The following CUBN variants were observed in gnomAD, a reference collection of about 807,000 sequenced individuals.
The protein encoded by CUBN is cubilin, also known as 460 kDa receptor.
A neutral mutation model predicts 405.3 loss-of-function variants in CUBN; 282 were observed. That is an observed-to-expected ratio of 0.70 (90% confidence interval 0.63 to 0.77). The LOEUF is 0.77. Ranked by LOEUF, CUBN falls within the 30% of genes least tolerant of loss-of-function variation. The pLI, the probability that CUBN is intolerant of heterozygous loss-of-function variation, is 0.00. For missense variants in CUBN, 4,514 were observed against 4,475.2 expected (o/e 1.01, Z -0.25); for synonymous variants, 1,684 against 1,617.0 (o/e 1.04, Z -0.99).
intron 56 of CUBN, among the ~76,000 whole-genome samples, chr10:16,877,924 G>A (rs960813388): frequency 6.6e-6 from 1 of 152,166 alleles, no homozygotes; most frequent in South Asian, 2.1e-4. Context: ...CACCCATATG[G>A]TAACCTAATT....
In CUBN at chr10:17,088,365, T is replaced by C. The variant is rs1342811071; in HGVS notation, c.1766-20A>G. 7 of 1,584,018 alleles carry C rather than the reference T, an allele frequency of 4.4e-6. No individual in the cohort carries two copies. The highest frequency in any genetic ancestry group is 1.3e-5 in the African/African-American group (1 of 74,154). On this transcript the variant is annotated intron_variant, in intron 14 of 66. Transcript: ENST00000377833. ...CACACTCTAAAATAAGAGGGAAAAA[T>C]AATGTTACATTTGTATAGATGCTAT...
intron 27 of CUBN, among the ~76,000 whole-genome samples, chr10:17,034,468 A>T (rs1051368495): frequency 3.4e-4 from 52 of 152,186 alleles, no homozygotes; most frequent in African/African-American, 1.2e-3. Context: ...TTCCCTCCCC[A>T]GGAGAGAGCA....
chr10:16,916,122 G>C, intron 45 of CUBN, 92 bp from the exon 46 acceptor site: 1 of 1,303,674 alleles, frequency 7.7e-7, no homozygotes, highest in South Asian at 1.3e-5. Flanking sequence ...CATTTCACCA[G>C]CACATTTGAA....
At chr10:16,863,310 G>A (rs745808719) in intron 59 of CUBN, among the ~76,000 whole-genome samples, 4 of 152,154 alleles carry the variant, frequency 2.6e-5, no homozygotes, top group Admixed American at 6.5e-5. Context: ...CTTTAAATGG[G>A]TTTACAGTTT....
chr10:17,067,976 A>G (rs1201831907), intron 21 of CUBN, 88 bp downstream of exon 21: 4 of 651,920 alleles, frequency 6.1e-6, no homozygotes, highest in Admixed American at 3.1e-5. Flanking sequence ...GGTTTTCATA[A>G]CACAACGTGG....
intron 8 of CUBN, among the ~76,000 whole-genome samples, chr10:17,113,607 G>A (rs553373345): frequency 4.6e-5 from 7 of 152,256 alleles, no homozygotes; most frequent in African/African-American, 1.7e-4. Context: ...TTAGGTCAAG[G>A]CCGCAAGATA....
At chr10:17,023,213 T>C (rs1214117351) in intron 27 of CUBN, among the ~76,000 whole-genome samples, 2 of 151,466 alleles carry the variant, frequency 1.3e-5, no homozygotes, top group African/African-American at 2.4e-5. Context: ...GTGGAGGGGC[T>C]AGGCAGTAGG....
At chr10:16,953,422 G>A (rs1437907537) in intron 32 of CUBN, among the ~76,000 whole-genome samples, 1 of 152,124 alleles carries the variant, frequency 6.6e-6, no homozygotes, top group Non-Finnish European at 1.5e-5. Flanking sequence ...GAATATAAGC[G>A]AGTTGACTAA....
intron 31 of CUBN, among the ~76,000 whole-genome samples, chr10:16,960,690 G>A (rs1843193911): frequency 6.6e-6 from 1 of 152,204 alleles, no homozygotes; most frequent in Non-Finnish European, 1.5e-5. Context: ...CCTGAGTTAA[G>A]AAACAGCTGT....
At chr10:16,978,717 T>G (rs373275812) in intron 31 of CUBN, among the ~76,000 whole-genome samples, 1 of 152,188 alleles carries the variant, frequency 6.6e-6, no homozygotes, top group African/African-American at 2.4e-5. Context: ...TGTATTTGAA[T>G]GAAATGTTGA....
chr10:16,947,123 A>T, intron 36 of CUBN, 112 bp downstream of exon 36: 1 of 1,195,818 alleles, frequency 8.4e-7, no homozygotes. Flanking sequence ...AAATTTGGAA[A>T]AATACTTCCT....
At chr10:17,115,322 TCCCC>T in intron 7 of CUBN, 145 bp downstream of exon 7, 1 of 837,362 alleles carries the variant, frequency 1.2e-6, no homozygotes, top group Non-Finnish European at 2.0e-6. Context: ...ATAGTTCATC[TCCCC>T]TCCTCGCCTA....
intron 54 of CUBN, among the ~76,000 whole-genome samples, chr10:16,896,431 A>G (rs1203449967): frequency 6.6e-6 from 1 of 152,162 alleles, no homozygotes; most frequent in African/African-American, 2.4e-5. Flanking sequence ...AGTTTTCCAG[A>G]TATAAAATGT....
At chr10:16,862,195 T>C (rs1380509475) in intron 59 of CUBN, among the ~76,000 whole-genome samples, 8 of 75,924 alleles carry the variant, frequency 1.1e-4, no homozygotes, top group African/African-American at 4.2e-4. Flanking sequence ...CACACACACA[T>C]CACATCCCTG....
chr10:17,030,848 G>A (rs190827632), intron 27 of CUBN, among the ~76,000 whole-genome samples: 19 of 152,200 alleles, frequency 1.2e-4, no homozygotes, highest in African/African-American at 4.6e-4. Flanking sequence ...GAACCCGGGA[G>A]GCACAGGTTG....
At chr10:17,014,037 C>T (rs141447861) in intron 28 of CUBN, among the ~76,000 whole-genome samples, 27,297 of 152,120 alleles carry the variant, frequency 0.18, 2,859 homozygotes, top group African/African-American at 0.29. Context: ...AGCACTGGTC[C>T]CTCAAGGAGT....
At chr10:16,869,878 T>C (rs777011386) in intron 58 of CUBN, 25 bp from the exon 59 acceptor site, 2 of 1,508,918 alleles carry the variant, frequency 1.3e-6, no homozygotes, top group African/African-American at 2.7e-5. Context: ...TTGTTAATAC[T>C]GATGTTTCCA....
chr10:16,887,379 T>G (rs530090323), intron 56 of CUBN, among the ~76,000 whole-genome samples: 1 of 152,386 alleles, frequency 6.6e-6, no homozygotes, highest in South Asian at 2.1e-4. Flanking sequence ...ATACTTGTAT[T>G]CTTTAAAAAT....
chr10:17,045,367 T>A (rs796129773), intron 24 of CUBN, among the ~76,000 whole-genome samples, 179 bp from the exon 25 acceptor site: 6 of 143,200 alleles, frequency 4.2e-5, no homozygotes, highest in African/African-American at 7.8e-5. Context: ...TCTATTTTTT[T>A]TTTTTTTTTT....
Sources: allele counts gnomAD v4.1 joint callset (sites outside exome capture counted in the v4.1 genomes callset), GRCh38; gene constraint gnomAD v4.1.1; transcripts MANE v1.5; gene names NCBI Gene and HGNC (gene_info 2026-07-23, HGNC 2026-07-21).